The following ZMAT4 variants were observed in gnomAD, a reference collection of about 807,000 sequenced individuals.
ZMAT4 encodes the protein zinc finger matrin-type 4.
In ZMAT4, 17 loss-of-function variants were observed where a neutral mutation model predicts 28.7. The ratio of observed to expected loss-of-function variants is 0.59; its 90% CI spans 0.41 to 0.89. The LOEUF (loss-of-function observed/expected upper bound fraction) is 0.89, where lower values mean the gene tolerates loss of function less well. Ranked by LOEUF, ZMAT4 falls within the 40% of genes least tolerant of loss-of-function variation. ZMAT4 has a pLI of 0.00. For missense variants in ZMAT4, 240 were observed against 283.8 expected (o/e 0.85, Z 1.11); for synonymous variants, 117 against 109.2 (o/e 1.07, Z -0.44).
chr8:40,613,742 G>A (rs995567922), intron 5 of ZMAT4, among the ~76,000 whole-genome samples: 5 of 152,152 alleles, frequency 3.3e-5, no homozygotes, highest in Non-Finnish European at 7.3e-5. Flanking sequence ...CAGGCCAGGC[G>A]CATGCCCTGA....
intron 4 of ZMAT4, chr8:40,691,076 C>T (rs1809640646): frequency 7.9e-6 from 2 of 253,252 alleles, no homozygotes; most frequent in Admixed American, 6.5e-5. Context: ...AATCACTTTG[C>T]TCCTAGGAGA....
intron 6 of ZMAT4, among the ~76,000 whole-genome samples, chr8:40,541,544 G>A (rs1803028460): frequency 6.6e-6 from 1 of 152,126 alleles, no homozygotes; most frequent in Non-Finnish European, 1.5e-5. Flanking sequence ...CCACTTTCAA[G>A]TATTAGCAAT....
chr8:40,847,702 C>T (rs547526764), intron 1 of ZMAT4, among the ~76,000 whole-genome samples: 17 of 152,274 alleles, frequency 1.1e-4, no homozygotes, highest in South Asian at 6.2e-4. Flanking sequence ...CTAAATTTCA[C>T]GTTCCCTATA....
chr8:40,858,953 T>C (rs980051971), intron 1 of ZMAT4, among the ~76,000 whole-genome samples: 2 of 152,288 alleles, frequency 1.3e-5, no homozygotes, highest in African/African-American at 4.8e-5. Context: ...TGTCATCCTC[T>C]CAACATTAGG....
intron 1 of ZMAT4, among the ~76,000 whole-genome samples, chr8:40,839,284 G>A (rs546762146): frequency 2.6e-5 from 4 of 152,324 alleles, no homozygotes; most frequent in Non-Finnish European, 4.4e-5. Flanking sequence ...AAGGGCCAGC[G>A]ACAGGCAGCT....
At chr8:40,614,811 A>T (rs1416200190) in intron 5 of ZMAT4, among the ~76,000 whole-genome samples, 2 of 151,948 alleles carry the variant, frequency 1.3e-5, no homozygotes, top group Admixed American at 1.3e-4. Flanking sequence ...TTTTGAGCCT[A>T]TGTGTGTCTC....
chr8:40,698,693 T>C (rs79278290), intron 3 of ZMAT4, among the ~76,000 whole-genome samples: 1 of 152,344 alleles, frequency 6.6e-6, no homozygotes, highest in East Asian at 1.9e-4. Context: ...AATTATGTGG[T>C]AGTTAGGAAA....
intron 3 of ZMAT4, among the ~76,000 whole-genome samples, chr8:40,704,358 C>T (rs984537206): frequency 1.1e-4 from 17 of 152,170 alleles, no homozygotes; most frequent in African/African-American, 4.1e-4. Flanking sequence ...CCTTTCCACT[C>T]CATTTGGGTC....
At chr8:40,580,516 A>G (rs1804427841) in intron 6 of ZMAT4, among the ~76,000 whole-genome samples, 1 of 152,200 alleles carries the variant, frequency 6.6e-6, no homozygotes, top group Admixed American at 6.5e-5. Flanking sequence ...TGCTTTTTTC[A>G]TATTTTATTA....
intron 5 of ZMAT4, among the ~76,000 whole-genome samples, chr8:40,584,382 C>T (rs184633378): frequency 6.6e-6 from 1 of 152,024 alleles, no homozygotes; most frequent in Admixed American, 6.6e-5. Context: ...AAGTGGACAG[C>T]GCCAAGCAGG....
intron 4 of ZMAT4, among the ~76,000 whole-genome samples, chr8:40,688,700 T>A (rs933180149): frequency 3.3e-5 from 5 of 152,048 alleles, no homozygotes; most frequent in Non-Finnish European, 7.4e-5. Context: ...GGAAAATATA[T>A]TAAATTTCAT....
chr8:40,876,797 A>G (rs1818055938), intron 1 of ZMAT4, among the ~76,000 whole-genome samples: 1 of 152,118 alleles, frequency 6.6e-6, no homozygotes. Flanking sequence ...TTATTCATGT[A>G]TTTTCGACTG....
Position 40,716,029 on chromosome 8 carries a change from A to T in ZMAT4, c.193-18628T>A, listed in dbSNP as rs1585928130. Among the ~76,000 whole-genome samples the T allele has an allele frequency of 2.6e-5, 4 of 152,250 alleles. No individual in the cohort carries two copies. In the East Asian group the frequency reaches 7.7e-4, roughly 29 times the overall value. On this transcript the variant is annotated intron_variant, in intron 3 of 6. Coordinates refer to ENST00000297737, the MANE Select transcript of ZMAT4 (RefSeq NM_024645.3). The stretch of plus-strand genomic sequence containing the variant: ...GTAGAGAAGCCAATCAGAGACAGAC[A>T]CTTGTCCTCCAATTTCCACTGCTAT...
chr8:40,606,302 A>G (rs1171802825), intron 5 of ZMAT4, among the ~76,000 whole-genome samples: 1 of 152,066 alleles, frequency 6.6e-6, no homozygotes, highest in African/African-American at 2.4e-5. Context: ...AGGAGGTTCT[A>G]TTCTGGTGTA....
chr8:40,840,992 G>A (rs961013090), intron 1 of ZMAT4, among the ~76,000 whole-genome samples: 14 of 152,142 alleles, frequency 9.2e-5, no homozygotes, highest in Admixed American at 3.9e-4. Context: ...GGAGTTCTTC[G>A]GCTAATTTTC....
chr8:40,835,029 T>C (rs1816426593), intron 1 of ZMAT4, among the ~76,000 whole-genome samples: 2 of 152,108 alleles, frequency 1.3e-5, no homozygotes, highest in South Asian at 4.1e-4. Flanking sequence ...AGGGAAAGCG[T>C]GGATGTTTTT....
At chr8:40,694,590 G>A (rs879290590) in intron 4 of ZMAT4, among the ~76,000 whole-genome samples, 1 of 152,038 alleles carries the variant, frequency 6.6e-6, no homozygotes, top group Non-Finnish European at 1.5e-5. Context: ...CTCCTATCAG[G>A]CCTTCAACCC....
intron 6 of ZMAT4, among the ~76,000 whole-genome samples, chr8:40,554,845 T>C (rs1236205095): frequency 6.6e-6 from 1 of 152,146 alleles, no homozygotes. Context: ...CACTTTGAAA[T>C]AAACAACACA....
chr8:40,594,260 T>A (rs1805013030), intron 5 of ZMAT4, among the ~76,000 whole-genome samples: 1 of 152,196 alleles, frequency 6.6e-6, no homozygotes, highest in Non-Finnish European at 1.5e-5. Context: ...TATAGAAACA[T>A]ACCTGACCTC....
Sources: gnomAD v4.1 joint callset for allele counts (sites outside exome capture counted in the v4.1 genomes callset) on GRCh38, gnomAD v4.1.1 for gene constraint, MANE v1.5 for transcripts, NCBI Gene and HGNC (gene_info 2026-07-23, HGNC 2026-07-21) for gene names.